The following FREM1 variants were observed in gnomAD, a reference collection of about 807,000 sequenced individuals.
FREM1 encodes FRAS1-related extracellular matrix protein 1.
Under a neutral mutation model 210.1 loss-of-function variants are expected in FREM1, and 220 were observed. The ratio of observed to expected loss-of-function variants is 1.05; its 90% CI spans 0.94 to 1.17. The LOEUF (loss-of-function observed/expected upper bound fraction) is 1.17, where lower values mean the gene tolerates loss of function less well. FREM1 is among the 50% of genes most tolerant of loss of function. The probability of loss-of-function intolerance (pLI) is 0.00; values close to 1 mark genes in which losing one functional copy is unlikely to be tolerated. For missense variants in FREM1, 3,454 were observed against 2,675.5 expected (o/e 1.29, Z -6.42); for synonymous variants, 1,189 against 980.2 (o/e 1.21, Z -3.98).
intron 13 of FREM1, among the ~76,000 whole-genome samples, chr9:14,822,035 T>A (rs1821449373): frequency 6.6e-6 from 1 of 152,140 alleles, no homozygotes; most frequent in Non-Finnish European, 1.5e-5. Flanking sequence ...CCCCATAGTA[T>A]TCTCATGGTA....
At chr9:14,810,860 AG>A (rs1262718986) in intron 16 of FREM1, among the ~76,000 whole-genome samples, 1 of 152,244 alleles carries the variant, frequency 6.6e-6, no homozygotes, top group African/African-American at 2.4e-5. Context: ...ATATGTAATA[AG>A]GTGATTTTTA....
At chr9:14,749,494 C>T (rs936529417) in intron 30 of FREM1, among the ~76,000 whole-genome samples, 1 of 152,064 alleles carries the variant, frequency 6.6e-6, no homozygotes, top group Non-Finnish European at 1.5e-5. Context: ...GAACACTCGT[C>T]AAATGCTAAA....
intron 7 of FREM1, among the ~76,000 whole-genome samples, chr9:14,848,085 A>G (rs917590275): frequency 6.6e-6 from 1 of 152,224 alleles, no homozygotes; most frequent in Non-Finnish European, 1.5e-5. Context: ...ACCACTGCTT[A>G]TAAGTATGTT....
chr9:14,763,858 G>C (rs1039593902), intron 27 of FREM1, among the ~76,000 whole-genome samples: 1 of 152,108 alleles, frequency 6.6e-6, no homozygotes, highest in South Asian at 2.1e-4. Context: ...TGATAACCCA[G>C]GTGTCTTGTA....
chr9:14,769,703 T>C, intron 27 of FREM1, 21 bp downstream of exon 27: 5 of 1,610,738 alleles, frequency 3.1e-6, no homozygotes, highest in Non-Finnish European at 2.5e-6. Flanking sequence ...ATAGGACTAC[T>C]GAATAAGCAA....
intron 35 of FREM1, among the ~76,000 whole-genome samples, chr9:14,742,826 A>G (rs1236883503): frequency 6.6e-6 from 1 of 152,144 alleles, no homozygotes; most frequent in Non-Finnish European, 1.5e-5. Flanking sequence ...ACCTCAAAAC[A>G]TAGTTAAAAT....
intron 10 of FREM1, among the ~76,000 whole-genome samples, chr9:14,827,467 T>C (rs1822692583): frequency 6.6e-6 from 1 of 152,202 alleles, no homozygotes; most frequent in Admixed American, 6.5e-5. Flanking sequence ...TCTTGACTTC[T>C]TATAGTAAAA....
chr9:14,800,388 T>C (rs917257951), intron 20 of FREM1, among the ~76,000 whole-genome samples: 9 of 152,306 alleles, frequency 5.9e-5, no homozygotes, highest in Middle Eastern at 3.4e-3. Context: ...CGCACACTTT[T>C]CTCAGATTTT....
At chr9:14,889,585 G>A (rs755820020) in intron 1 of FREM1, among the ~76,000 whole-genome samples, 11 of 152,130 alleles carry the variant, frequency 7.2e-5, no homozygotes, top group Non-Finnish European at 1.6e-4. Flanking sequence ...TATCCCAGGT[G>A]GCTTCCTTAA....
chr9:14,858,829 G>A (rs1239228478), intron 4 of FREM1, among the ~76,000 whole-genome samples: 17 of 152,076 alleles, frequency 1.1e-4, no homozygotes, highest in Admixed American at 1.0e-3. Context: ...ACTAATAACA[G>A]CTGACAATGA....
At chr9:14,763,277 G>A (rs927787802) in intron 27 of FREM1, among the ~76,000 whole-genome samples, 2 of 152,190 alleles carry the variant, frequency 1.3e-5, no homozygotes, top group African/African-American at 4.8e-5. Flanking sequence ...AGATGTAGGA[G>A]CACCACTTCC....
chr9:14,743,042 G>C (rs1336998871), intron 35 of FREM1, among the ~76,000 whole-genome samples: 1 of 152,068 alleles, frequency 6.6e-6, no homozygotes, highest in African/African-American at 2.4e-5. Flanking sequence ...GATCCAATAA[G>C]CTAATGCATG....
intron 17 of FREM1, among the ~76,000 whole-genome samples, chr9:14,807,053 G>T (rs565952341): frequency 1.3e-5 from 2 of 152,196 alleles, no homozygotes; most frequent in Admixed American, 1.3e-4. Context: ...TTGACCTATG[G>T]AATTATATTT....
At chr9:14,792,078 T>A (rs560234430) in intron 22 of FREM1, among the ~76,000 whole-genome samples, 1 of 152,100 alleles carries the variant, frequency 6.6e-6, no homozygotes, top group Non-Finnish European at 1.5e-5. Context: ...CTCCTGACCT[T>A]GTGATCCGCC....
intron 1 of FREM1, among the ~76,000 whole-genome samples, chr9:14,909,406 ATC>A (rs951222304): frequency 6.6e-6 from 1 of 152,180 alleles, no homozygotes; most frequent in African/African-American, 2.4e-5. Context: ...CCCCAGCACT[ATC>A]TCTCTTCCCC....
intron 1 of FREM1, among the ~76,000 whole-genome samples, chr9:14,888,477 G>A (rs1836204398): frequency 6.6e-6 from 1 of 152,148 alleles, no homozygotes; most frequent in Non-Finnish European, 1.5e-5. Context: ...TATTCCAGAA[G>A]TTAATGTTTC....
intron 1 of FREM1, among the ~76,000 whole-genome samples, chr9:14,885,217 GA>G (rs1202501461): frequency 4.6e-5 from 7 of 151,930 alleles, no homozygotes; most frequent in Non-Finnish European, 8.8e-5. Context: ...GCTTTTTGCA[GA>G]ATTCATATGT....
intron 19 of FREM1, among the ~76,000 whole-genome samples, chr9:14,803,060 CTTTTCTT>C (rs1817601055): frequency 9.6e-6 from 1 of 104,412 alleles, no homozygotes; most frequent in Non-Finnish European, 1.8e-5. Flanking sequence ...CTTTCTTTTT[CTTTTCTT>C]TCTTTCTCTT....
chr9:14,770,038 G>A (rs925048530), intron 26 of FREM1, among the ~76,000 whole-genome samples, 170 bp from the exon 27 acceptor site: 23 of 152,032 alleles, frequency 1.5e-4, no homozygotes, highest in Admixed American at 6.6e-4. Flanking sequence ...CAAATGCAGC[G>A]AGCTTAAATT....
Sources: allele counts gnomAD v4.1 joint callset (sites outside exome capture counted in the v4.1 genomes callset), GRCh38; gene constraint gnomAD v4.1.1; transcripts MANE v1.5; gene names NCBI Gene and HGNC (gene_info 2026-07-23, HGNC 2026-07-21).